Variants in SLC49A4 observed in about 807,000 individuals in gnomAD.
SLC49A4 encodes the protein solute carrier family 49 member 4.
A neutral mutation model predicts 50.6 loss-of-function variants in SLC49A4; 36 were observed. The ratio of observed to expected loss-of-function variants is 0.71; its 90% CI spans 0.55 to 0.94. SLC49A4 has a LOEUF of 0.94. Among genes scored for constraint, SLC49A4 ranks in the 40% least tolerant of loss-of-function variants. The pLI is 0.00. For synonymous variants in SLC49A4, 248 were observed against 241.2 expected (o/e 1.03, Z -0.26); for missense variants, 503 against 605.7 (o/e 0.83, Z 1.78).
chr3:122,859,905 T>G (rs1937036340), intron 6 of SLC49A4, among the ~76,000 whole-genome samples, 170 bp from the exon 7 acceptor site: 1 of 152,044 alleles, frequency 6.6e-6, no homozygotes, highest in Non-Finnish European at 1.5e-5. Context: ...AGAAAAAAAA[T>G]TATCACAAAG....
intron 4 of SLC49A4, among the ~76,000 whole-genome samples, chr3:122,834,343 A>G (rs1226113841): frequency 6.6e-6 from 1 of 152,166 alleles, no homozygotes; most frequent in African/African-American, 2.4e-5. Flanking sequence ...AATTTTTATA[A>G]ATCAAAATCA....
At chr3:122,859,029 T>C (rs1229841381) in intron 6 of SLC49A4, among the ~76,000 whole-genome samples, 6 of 152,214 alleles carry the variant, frequency 3.9e-5, no homozygotes, top group Non-Finnish European at 7.3e-5. Context: ...TCAAGAAGTT[T>C]ACAATCTGGT....
chr3:122,830,591 A>G (rs1936595992), intron 3 of SLC49A4, among the ~76,000 whole-genome samples: 2 of 152,228 alleles, frequency 1.3e-5, no homozygotes, highest in Non-Finnish European at 2.9e-5. Context: ...AGTAAATGGT[A>G]CAGGAATAAC....
chr3:122,875,861 T>G (rs567894511), intron 8 of SLC49A4, among the ~76,000 whole-genome samples: 1 of 152,136 alleles, frequency 6.6e-6, no homozygotes, highest in South Asian at 2.1e-4. Context: ...CTGCTGGCAA[T>G]TTGCTTGCAG....
At chr3:122,848,644 T>C (rs1459902676) in intron 5 of SLC49A4, among the ~76,000 whole-genome samples, 3 of 152,308 alleles carry the variant, frequency 2.0e-5, no homozygotes, top group Admixed American at 6.5e-5. Context: ...TTTTTGAAGC[T>C]GAGCAGCTTT....
intron 5 of SLC49A4, among the ~76,000 whole-genome samples, chr3:122,848,751 T>C (rs1416684898): frequency 6.6e-6 from 1 of 152,200 alleles, no homozygotes; most frequent in South Asian, 2.1e-4. Flanking sequence ...CTGTGCACAG[T>C]GTATAATGAT....
intron 1 of SLC49A4, among the ~76,000 whole-genome samples, chr3:122,799,243 A>G (rs1936096478): frequency 6.6e-6 from 1 of 152,170 alleles, no homozygotes; most frequent in Admixed American, 6.6e-5. Flanking sequence ...CTTTGGAGAA[A>G]AATAAAGCAG....
At chr3:122,863,865 A>G (rs1345217494) in intron 7 of SLC49A4, among the ~76,000 whole-genome samples, 2 of 152,212 alleles carry the variant, frequency 1.3e-5, no homozygotes, top group Non-Finnish European at 2.9e-5. Context: ...CCCATGTGTT[A>G]TAAGTGCTAC....
chr3:122,813,835 A>G (rs1936330616), intron 2 of SLC49A4, among the ~76,000 whole-genome samples: 2 of 152,212 alleles, frequency 1.3e-5, no homozygotes, highest in Admixed American at 1.3e-4. Context: ...TATTTTTGCA[A>G]ATTCATTACA....
chr3:122,819,933 G>A (rs1936428007), intron 2 of SLC49A4, among the ~76,000 whole-genome samples: 1 of 151,632 alleles, frequency 6.6e-6, no homozygotes. Context: ...AATGAGTTTT[G>A]GAGGTAAGTA....
At chr3:122,835,542 AT>A (rs1440416145) in intron 4 of SLC49A4, among the ~76,000 whole-genome samples, 1 of 152,074 alleles carries the variant, frequency 6.6e-6, no homozygotes, top group Non-Finnish European at 1.5e-5. Context: ...CAGAAAAGGC[AT>A]TCAGTAGCAT....
intron 4 of SLC49A4, among the ~76,000 whole-genome samples, chr3:122,837,616 A>G (rs1936708251): frequency 6.6e-6 from 1 of 152,222 alleles, no homozygotes; most frequent in South Asian, 2.1e-4. Context: ...CCCTAGAAGA[A>G]AACCTGGGCA....
chr3:122,806,690 C>T (rs921504506), intron 1 of SLC49A4, among the ~76,000 whole-genome samples, 167 bp from the exon 2 acceptor site: 4 of 150,456 alleles, frequency 2.7e-5, no homozygotes, highest in African/African-American at 7.3e-5. Context: ...ATTTCATTTT[C>T]AGCATGTAGG....
intron 2 of SLC49A4, 85 bp from the exon 3 acceptor site, chr3:122,826,715 A>G: frequency 1.4e-6 from 2 of 1,404,334 alleles, no homozygotes; most frequent in Non-Finnish European, 9.8e-7. Flanking sequence ...TGCCATAGTT[A>G]AAAACTGCTG....
At chr3:122,809,328 C>G (rs181290985) in intron 2 of SLC49A4, among the ~76,000 whole-genome samples, 2 of 152,070 alleles carry the variant, frequency 1.3e-5, no homozygotes, top group African/African-American at 2.4e-5. Flanking sequence ...TTGAGATGCT[C>G]TTAATTTTTC....
Position 122,797,700 on chromosome 3 carries a change from G to C in SLC49A4, c.343+2165G>C, listed in dbSNP as rs1936066745. ...AAATATTGATTTTCTCTGGGTTTCT[G>C]CTGGGCTCAGTGGCTCATGTTTGTA... On this transcript the variant is annotated intron_variant, in intron 1 of 8. Transcript: ENST00000261038. Among the ~76,000 whole-genome samples the C allele has an allele frequency of 2.0e-5, 3 of 152,308 alleles. No homozygotes were observed. The South Asian group carries it at 6.2e-4, about 32-fold the overall frequency.
chr3:122,866,974 G>A (rs1159549287), intron 7 of SLC49A4, among the ~76,000 whole-genome samples: 1 of 152,168 alleles, frequency 6.6e-6, no homozygotes, highest in South Asian at 2.1e-4. Flanking sequence ...GGGGCAGCAG[G>A]TGTCCATCAT....
chr3:122,805,903 A>AGGTCTTCT (rs1477604555), intron 1 of SLC49A4, among the ~76,000 whole-genome samples: 8 of 152,214 alleles, frequency 5.3e-5, no homozygotes, highest in African/African-American at 1.9e-4. Flanking sequence ...TTGTCTTCTA[A>AGGTCTTCT]AGTCCTAAGC....
intron 5 of SLC49A4, among the ~76,000 whole-genome samples, chr3:122,855,527 G>A (rs1174538616): frequency 1.3e-5 from 2 of 152,122 alleles, no homozygotes; most frequent in Non-Finnish European, 2.9e-5. Flanking sequence ...GTATGAGTTG[G>A]GACAGAAGCC....
Sources: allele counts gnomAD v4.1 joint callset (sites outside exome capture counted in the v4.1 genomes callset), GRCh38; gene constraint gnomAD v4.1.1; transcripts MANE v1.5; gene names NCBI Gene and HGNC (gene_info 2026-07-23, HGNC 2026-07-21).